Variants in USP48 observed in about 807,000 individuals in gnomAD.
USP48 encodes ubiquitin specific peptidase 48.
A neutral mutation model predicts 150.7 loss-of-function variants in USP48; 43 were observed. That is an observed-to-expected ratio of 0.29 (90% CI 0.22 to 0.37). The LOEUF is 0.37. Ranked by LOEUF, USP48 falls within the 10% of genes least tolerant of loss-of-function variation. The pLI is 1.00. For synonymous variants in USP48, 396 were observed against 425.9 expected, an observed-to-expected ratio of 0.93 and a Z score of 0.86; for missense variants, 813 against 1,249.6, an observed-to-expected ratio of 0.65 and a Z score of 5.27.
chr1:21,733,128 ACCCAAGGCTGGG>A (rs1475595347), intron 9 of USP48, among the ~76,000 whole-genome samples: 2 of 152,072 alleles, frequency 1.3e-5, no homozygotes, highest in Non-Finnish European at 2.9e-5. Flanking sequence ...AATTAAGAGT[ACCCAAGGCTGGG>A]CATGGTGGCT....
At chr1:21,703,194 C>G (rs572512529) in intron 21 of USP48, among the ~76,000 whole-genome samples, 1 of 152,354 alleles carries the variant, frequency 6.6e-6, no homozygotes, top group South Asian at 2.1e-4. Flanking sequence ...TCCTGATCTT[C>G]CTCACTAGGT....
intron 9 of USP48, among the ~76,000 whole-genome samples, chr1:21,734,033 G>C (rs913295519): frequency 6.6e-6 from 1 of 152,182 alleles, no homozygotes; most frequent in Non-Finnish European, 1.5e-5. Flanking sequence ...CAAATGTTGA[G>C]AATTTGAGTT....
chr1:21,682,651 C>T (rs958502981), intron 25 of USP48, among the ~76,000 whole-genome samples: 1 of 152,064 alleles, frequency 6.6e-6, no homozygotes. Flanking sequence ...CCGAGGCAGG[C>T]GGATCATGAG....
chr1:21,716,450 A>G (rs2097704579), intron 14 of USP48, among the ~76,000 whole-genome samples: 2 of 152,170 alleles, frequency 1.3e-5, no homozygotes, highest in Admixed American at 1.3e-4. Context: ...CAATATCATC[A>G]TGCTACTCAG....
chr1:21,751,030 TAC>T (rs2097811311), intron 6 of USP48, among the ~76,000 whole-genome samples: 1 of 152,214 alleles, frequency 6.6e-6, no homozygotes. Context: ...ACACTATGTA[TAC>T]ATTCATGCTT....
chr1:21,728,259 C>T (rs780886278), intron 11 of USP48: 189 of 1,066,574 alleles, frequency 1.8e-4, no homozygotes, highest in Non-Finnish European at 1.9e-4. Context: ...GTAATCCAAT[C>T]GGATTTTTCT....
chr1:21,734,889 G>GACA (rs2097765327), intron 9 of USP48, among the ~76,000 whole-genome samples: 1 of 152,100 alleles, frequency 6.6e-6, no homozygotes, highest in South Asian at 2.1e-4. Context: ...AAAATAAATG[G>GACA]GTACTTAGGC....
chr1:21,681,717 C>T (rs1429732174), intron 25 of USP48, among the ~76,000 whole-genome samples: 1 of 152,152 alleles, frequency 6.6e-6, no homozygotes, highest in Non-Finnish European at 1.5e-5. Flanking sequence ...TTACTTTTTA[C>T]GCCATTAATA....
At chr1:21,777,180 C>T (rs1159927697) in intron 1 of USP48, among the ~76,000 whole-genome samples, 1 of 151,594 alleles carries the variant, frequency 6.6e-6, no homozygotes, top group African/African-American at 2.4e-5. Context: ...CACAGCTACT[C>T]GGGATGCTGA....
intron 25 of USP48, 197 bp from the exon 26 acceptor site, chr1:21,681,031 A>G (rs2097564419): frequency 4.0e-6 from 2 of 494,988 alleles, no homozygotes; most frequent in African/African-American, 2.1e-5. Context: ...AGCAATACGT[A>G]TGCATCATTT....
At chr1:21,752,751 C>T in intron 4 of USP48, 100 bp from the exon 5 acceptor site, 1 of 1,357,920 alleles carries the variant, frequency 7.4e-7, no homozygotes, top group South Asian at 1.5e-5. Context: ...CCTATACTTT[C>T]AACTTAGCAT....
chr1:21,746,807 T>C (rs1420185635), intron 8 of USP48, among the ~76,000 whole-genome samples: 1 of 152,240 alleles, frequency 6.6e-6, no homozygotes, highest in Non-Finnish European at 1.5e-5. Flanking sequence ...AATACCTTTT[T>C]CATTTTTTAC....
At chr1:21,772,387 G>T (rs1424755548) in intron 1 of USP48, among the ~76,000 whole-genome samples, 3 of 152,174 alleles carry the variant, frequency 2.0e-5, no homozygotes, top group Non-Finnish European at 4.4e-5. Flanking sequence ...ACTTTGGGAG[G>T]CCGAGGCGGG....
chr1:21,679,171 C>A lies in USP48; in HGVS notation c.*246G>T. ...TAAACTTGTTCCGTCTTTACTTGCC[C>A]CCTCCCACCCACCACCCCCCTTAAA... On this transcript the variant is annotated 3_prime_UTR_variant, in exon 27 of 27. Transcript: ENST00000308271. The A allele has an allele frequency of 1.9e-6, 1 of 515,964 alleles. No homozygotes were observed. Among genetic ancestry groups the A allele is most frequent in the Non-Finnish European group, 3.5e-6 (1 of 288,002 alleles). The allele number at this position is 515,964 out of a possible 1,614,324, so 32.0% of individuals were successfully genotyped here. A position where few individuals can be genotyped will look rare whatever the true frequency, so the allele number is the denominator to read the frequency against.
chr1:21,771,190 G>A (rs112891835), intron 1 of USP48, among the ~76,000 whole-genome samples: 11,566 of 151,516 alleles, frequency 0.076, 503 homozygotes, highest in Middle Eastern at 0.11. Context: ...CCTGGCCAAC[G>A]TGGTGAAACC....
intron 15 of USP48, among the ~76,000 whole-genome samples, chr1:21,714,517 C>T (rs745771584): frequency 2.0e-5 from 3 of 152,098 alleles, no homozygotes; most frequent in Non-Finnish European, 4.4e-5. Flanking sequence ...CCTACCTGAG[C>T]CTTCCTAGTA....
intron 14 of USP48, among the ~76,000 whole-genome samples, chr1:21,720,653 G>T (rs184605494): frequency 7.2e-5 from 11 of 151,832 alleles, no homozygotes; most frequent in African/African-American, 2.7e-4. Context: ...TCAGCCTCCC[G>T]AGTAGCTGGG....
At chr1:21,770,031 T>G (rs573275978) in intron 1 of USP48, among the ~76,000 whole-genome samples, 5 of 152,052 alleles carry the variant, frequency 3.3e-5, no homozygotes, top group African/African-American at 1.2e-4. Flanking sequence ...ACTGAAATAA[T>G]GTACAGCACT....
chr1:21,771,400 T>A (rs2097880046), intron 1 of USP48, among the ~76,000 whole-genome samples: 1 of 148,684 alleles, frequency 6.7e-6, no homozygotes. Context: ...TTATTAATTA[T>A]TAATAAATTA....
Sources: gnomAD v4.1 joint callset for allele counts (sites outside exome capture counted in the v4.1 genomes callset) on GRCh38, gnomAD v4.1.1 for gene constraint, MANE v1.5 for transcripts, NCBI Gene and HGNC (gene_info 2026-07-23, HGNC 2026-07-21) for gene names.